HHAT: variants seen among roughly 807,000 people sequenced by gnomAD.
The protein encoded by HHAT is hedgehog acyltransferase.
A neutral mutation model predicts 70.8 loss-of-function variants in HHAT; 47 were observed. That is an observed-to-expected ratio of 0.66 (90% CI 0.53 to 0.85). The LOEUF (loss-of-function observed/expected upper bound fraction) is 0.85, where lower values mean the gene tolerates loss of function less well. HHAT is among the 40% of genes least tolerant of loss of function. The pLI is 0.00. For synonymous variants in HHAT, 228 were observed against 247.6 expected (o/e 0.92, Z 0.74); for missense variants, 609 against 604.8 (o/e 1.01, Z -0.07).
Position 210,476,011 on chromosome 1 carries a change from C to G in HHAT, c.1007+11356C>G, listed in dbSNP as rs183395929. 3.0e-3 allele frequency among the ~76,000 whole-genome samples: 451 copies of G among 152,300 alleles called. 7 individuals carry two copies. Among genetic ancestry groups the G allele is most frequent in the Non-Finnish European group, 6.8e-4 (46 of 68,034 alleles). ...TGGTATGTGCTAACTGCATTTAAAT[C>G]CTAATCCTCTTAATAAGGTTTTGAA... On this transcript the variant is annotated intron_variant, in intron 8 of 11. Transcript: ENST00000261458.
chr1:210,485,468 G>A (rs1438879714), intron 8 of HHAT, among the ~76,000 whole-genome samples: 2 of 152,062 alleles, frequency 1.3e-5, no homozygotes, highest in African/African-American at 4.8e-5. Flanking sequence ...ACTGACACAC[G>A]GACCTCTCCC....
At chr1:210,339,513 A>T (rs1450399276) in intron 1 of HHAT, among the ~76,000 whole-genome samples, 1 of 152,066 alleles carries the variant, frequency 6.6e-6, no homozygotes, top group Non-Finnish European at 1.5e-5. Context: ...TCCTTAAGGG[A>T]TGTTGCACCT....
intron 8 of HHAT, among the ~76,000 whole-genome samples, chr1:210,507,817 G>A (rs1037360547): frequency 6.6e-6 from 1 of 152,060 alleles, no homozygotes; most frequent in Admixed American, 6.5e-5. Flanking sequence ...AATCACTGAT[G>A]GAGTAAATTT....
intron 7 of HHAT, among the ~76,000 whole-genome samples, chr1:210,446,580 C>A: frequency 6.6e-6 from 1 of 152,220 alleles, no homozygotes; most frequent in East Asian, 1.9e-4. Flanking sequence ...CACCTGCCAC[C>A]GTGACTCATC....
intron 11 of HHAT, among the ~76,000 whole-genome samples, chr1:210,654,874 C>G (rs1676056080): frequency 6.6e-6 from 1 of 152,160 alleles, no homozygotes; most frequent in African/African-American, 2.4e-5. Flanking sequence ...TATCACAGTT[C>G]CTTCTTTGGA....
chr1:210,342,597 G>T (rs2086135553), intron 1 of HHAT, among the ~76,000 whole-genome samples: 1 of 152,164 alleles, frequency 6.6e-6, no homozygotes. Context: ...ACTTTTCTAG[G>T]CTATCTCACA....
intron 1 of HHAT, among the ~76,000 whole-genome samples, chr1:210,338,471 G>T (rs1571692042): frequency 6.6e-6 from 1 of 152,000 alleles, no homozygotes; most frequent in African/African-American, 2.4e-5. Context: ...TTATTGGAAA[G>T]AATAAAAAAG....
chr1:210,572,899 A>AC (rs889207973), intron 9 of HHAT, among the ~76,000 whole-genome samples: 11 of 152,068 alleles, frequency 7.2e-5, no homozygotes, highest in Admixed American at 5.9e-4. Context: ...CCCCACTCAA[A>AC]CTCTCCCCTG....
chr1:210,397,781 G>A (rs2091873030), intron 4 of HHAT, among the ~76,000 whole-genome samples: 1 of 152,138 alleles, frequency 6.6e-6, no homozygotes, highest in Admixed American at 6.5e-5. Flanking sequence ...GAAGCAGGCC[G>A]TCCATGCTGC....
chr1:210,383,505 A>G (rs1399749025), intron 3 of HHAT, among the ~76,000 whole-genome samples: 1 of 152,214 alleles, frequency 6.6e-6, no homozygotes, highest in Non-Finnish European at 1.5e-5. Context: ...GAAGAGGTAG[A>G]GTACAGAGGA....
chr1:210,633,009 C>G (rs1354925757), intron 11 of HHAT, among the ~76,000 whole-genome samples: 1 of 152,188 alleles, frequency 6.6e-6, no homozygotes, highest in Non-Finnish European at 1.5e-5. Context: ...TTGAGGGGAG[C>G]CTGTCCCTGC....
At chr1:210,587,734 C>A (rs750109964) in intron 9 of HHAT, among the ~76,000 whole-genome samples, 164 bp from the exon 10 acceptor site, 1 of 152,192 alleles carries the variant, frequency 6.6e-6, no homozygotes, top group Non-Finnish European at 1.5e-5. Context: ...TGGGTTTTCG[C>A]CAACTCCTTG....
chr1:210,506,900 G>GGA (rs371486164), intron 8 of HHAT, among the ~76,000 whole-genome samples: 244 of 152,218 alleles, frequency 1.6e-3, no homozygotes, highest in Admixed American at 4.4e-3. Context: ...GTCTGTTGTG[G>GGA]GAGAGAATGA....
At chr1:210,349,540 A>G (rs2086824936) in intron 2 of HHAT, among the ~76,000 whole-genome samples, 1 of 152,076 alleles carries the variant, frequency 6.6e-6, no homozygotes, top group South Asian at 2.1e-4. Flanking sequence ...GCAGTTTGGC[A>G]AGGAGCACTA....
intron 9 of HHAT, among the ~76,000 whole-genome samples, chr1:210,537,457 T>A (rs554210491): frequency 2.6e-5 from 4 of 152,108 alleles, no homozygotes; most frequent in Non-Finnish European, 4.4e-5. Flanking sequence ...TCCACACCAA[T>A]GTGGAGACTC....
chr1:210,499,320 T>A (rs908417715), intron 8 of HHAT, among the ~76,000 whole-genome samples: 1 of 152,148 alleles, frequency 6.6e-6, no homozygotes, highest in Non-Finnish European at 1.5e-5. Context: ...CTTCTGGACT[T>A]CAGTAAAAAT....
chr1:210,603,074 A>G (rs765660713), intron 10 of HHAT, among the ~76,000 whole-genome samples: 2 of 152,196 alleles, frequency 1.3e-5, no homozygotes, highest in Non-Finnish European at 2.9e-5. Context: ...TCCTGGACTG[A>G]TGAGCGCCAG....
intron 10 of HHAT, among the ~76,000 whole-genome samples, chr1:210,611,574 G>GTC (rs1666593957): frequency 6.6e-6 from 1 of 152,084 alleles, no homozygotes; most frequent in African/African-American, 2.4e-5. Flanking sequence ...GAGCATCCTT[G>GTC]TCTAGTGCTG....
chr1:210,447,883 G>A (rs1265971272), intron 7 of HHAT, among the ~76,000 whole-genome samples: 1 of 152,074 alleles, frequency 6.6e-6, no homozygotes, highest in East Asian at 1.9e-4. Flanking sequence ...TCTGTCTCAG[G>A]GTGCTGACAG....
Sources: gnomAD v4.1 joint callset for allele counts (sites outside exome capture counted in the v4.1 genomes callset) on GRCh38, gnomAD v4.1.1 for gene constraint, MANE v1.5 for transcripts, NCBI Gene and HGNC (gene_info 2026-07-23, HGNC 2026-07-21) for gene names.